Variants in S100B observed in about 807,000 individuals in gnomAD.
S100B encodes the protein protein S100-B.
Under a neutral mutation model 7.7 loss-of-function variants are expected in S100B, and 6 were observed. The observed-to-expected ratio is 0.78, with a 90% CI of 0.43 to 1.54. The LOEUF is 1.54. Among genes scored for constraint, S100B ranks in the 40% most tolerant of loss-of-function variants. The pLI is 0.01. For missense variants in S100B, 99 were observed against 111.8 expected (o/e 0.89, Z 0.52); for synonymous variants, 36 against 40.4 (o/e 0.89, Z 0.41).
intron 2 of S100B, among the ~76,000 whole-genome samples, chr21:46,602,077 A>C (rs1052645937): frequency 6.6e-5 from 10 of 152,184 alleles, no homozygotes; most frequent in Non-Finnish European, 1.5e-4. Flanking sequence ...AAGATGGTTG[A>C]TAAGGAAATG....
rs1601892917 is a variant in S100B at position 46,599,750 on chromosome 21, C to T, written c.139-247G>A. ...AATGGAACAGCCAAGAGGTGAAAAA[C>T]TGAAGGTTGTTATCATACTTAAAAT... is the stretch of plus-strand genomic sequence containing the variant. On this transcript the variant is annotated intron_variant, in intron 2 of 2. Transcript: ENST00000291700. Among the ~76,000 whole-genome samples, 6 of 150,942 alleles carry T rather than the reference C, an allele frequency of 4.0e-5. No individual in the cohort carries two copies. In the South Asian group the frequency reaches 1.1e-3, roughly 27 times the overall value.
rs1730453175 is a variant in S100B, at chr21:46,599,037, T to A, written c.*326A>T. 3.6e-6 allele frequency: 1 copy of A among 278,796 alleles called. No homozygotes were observed. The highest frequency in any genetic ancestry group is 9.2e-5 in the South Asian group (1 of 10,822). 17.3% of individuals were successfully genotyped at this position (278,796 alleles called of 1,614,324 possible). ...CCGGGGTAATTTCTGTAGTCAGGGTTCCCTCCGGGTTAGGGTCTACACGGC... is the reference window on the plus strand; with the variant it reads ...CCGGGGTAATTTCTGTAGTCAGGGTACCCTCCGGGTTAGGGTCTACACGGC... On this transcript the variant is annotated 3_prime_UTR_variant, in exon 3 of 3. Coordinates refer to ENST00000291700, the MANE Select transcript of S100B (RefSeq NM_006272.3).
chr21:46,603,656 T>G (rs941408934), intron 1 of S100B, among the ~76,000 whole-genome samples: 1 of 152,206 alleles, frequency 6.6e-6, no homozygotes, highest in Non-Finnish European at 1.5e-5. Flanking sequence ...AACAAATTAA[T>G]AAATCAAATA....
In S100B at chr21:46,598,654, G is replaced by GC. The variant is rs1392458359; in HGVS notation, c.*708dup. 6.6e-6 allele frequency among the ~76,000 whole-genome samples: 1 copy of GC among 152,210 alleles called. No homozygotes were observed. Among genetic ancestry groups the GC allele is most frequent in the African/African-American group, 2.4e-5 (1 of 41,456 alleles). On this transcript the variant is annotated 3_prime_UTR_variant, in exon 3 of 3. Coordinates refer to ENST00000291700, the MANE Select transcript of S100B (RefSeq NM_006272.3). Reference sequence around the variant, plus strand: ...ACGCAGGCCCTCGCGGTGGCTCAGAGCCCCCGGTAGTGCCCTCGGAAGCCG... The same window carrying GC: ...ACGCAGGCCCTCGCGGTGGCTCAGAGCCCCCCGGTAGTGCCCTCGGAAGCCG...
rs1244489186 is a variant in S100B, at chr21:46,599,505, T to C, written c.139-2A>G. 2 of 1,613,934 alleles carry C rather than the reference T, an allele frequency of 1.2e-6. No homozygotes were observed. The highest frequency in any genetic ancestry group is 1.7e-5 in the Admixed American group (1 of 60,016). The stretch of plus-strand genomic sequence containing the variant: ...CACAACCTCCTGCTCTTTGATTTCC[T>C]AAGAGAGATAAAAGGAGTTGCCGAC... On this transcript the variant is annotated splice_acceptor_variant, in intron 2 of 2. Transcript: ENST00000291700. LOFTEE classifies it high-confidence loss of function.
chr21:46,602,512 A>T (rs1316480689), intron 1 of S100B, 96 bp from the exon 2 acceptor site: 17 of 1,281,364 alleles, frequency 1.3e-5, no homozygotes, highest in Non-Finnish European at 1.7e-5. Context: ...GACAAGGGGG[A>T]TGGAATGGCC....
chr21:46,599,527 C>T (rs2061035869), intron 2 of S100B, 24 bp from the exon 3 acceptor site: 4 of 1,612,070 alleles, frequency 2.5e-6, no homozygotes, highest in Admixed American at 1.7e-5. Flanking sequence ...AAGGAGTTGC[C>T]GACCTTGTTT....
intron 1 of S100B, among the ~76,000 whole-genome samples, chr21:46,603,398 T>TGGGGGGAGG: frequency 1.9e-5 from 1 of 52,068 alleles, no homozygotes; most frequent in Non-Finnish European, 3.8e-5. Context: ...CGGGAGGGGG[T>TGGGGGGAGG]GGGGGCAGGA....
At position 46,599,279 on chromosome 21, in the gene S100B, GCTC is replaced by G; in HGVS notation, c.*81_*83del. ...AGCTACAACACGGCTGGAAAGCTCA[GCTC>G]CTACTAGGCTGCAAGCCCTTGCTGT... On this transcript the variant is annotated 3_prime_UTR_variant, in exon 3 of 3. Coordinates refer to ENST00000291700, the MANE Select transcript of S100B (RefSeq NM_006272.3). The G allele has an allele frequency of 7.9e-7, 1 of 1,262,630 alleles. No individual in the cohort carries two copies. The highest frequency in any genetic ancestry group is 2.3e-5 in the East Asian group (1 of 42,918). The allele number at this position is 1,262,630 out of a possible 1,614,324, so 78.2% of individuals were successfully genotyped here.
intron 1 of S100B, among the ~76,000 whole-genome samples, chr21:46,603,388 C>CAGGAGGGGGTGGG (rs2061047166): frequency 7.8e-4 from 1 of 1,280 alleles, no homozygotes. Flanking sequence ...ACTGGGACGG[C>CAGGAGGGGGTGGG]GGGAGGGGGT....
At chr21:46,604,082 G>C (rs1462661348) in intron 1 of S100B, among the ~76,000 whole-genome samples, 1 of 152,092 alleles carries the variant, frequency 6.6e-6, no homozygotes, top group South Asian at 2.1e-4. Flanking sequence ...TGACTAATGG[G>C]ATTATTACAA....
At chr21:46,599,644 G>A in intron 2 of S100B, 141 bp from the exon 3 acceptor site, 4 of 797,770 alleles carry the variant, frequency 5.0e-6, no homozygotes, top group South Asian at 4.4e-5. Flanking sequence ...CAGAAAAGAT[G>A]TCTCATGTGA....
intron 2 of S100B, 103 bp downstream of exon 2, chr21:46,602,175 G>A (rs1005109170): frequency 1.2e-4 from 129 of 1,110,434 alleles, no homozygotes; most frequent in Non-Finnish European, 1.6e-4. Flanking sequence ...GTCTTGGAAG[G>A]GAAATGAAAT....
chr21:46,599,865 T>C (rs981602072), intron 2 of S100B, among the ~76,000 whole-genome samples: 4 of 152,194 alleles, frequency 2.6e-5, no homozygotes, highest in Non-Finnish European at 4.4e-5. Context: ...TTTTCGTGTG[T>C]TCTGTGTGTG....
At position 46,598,953 on chromosome 21, in the gene S100B, T is replaced by C. The variant is rs2061033714; in HGVS notation, c.*410A>G. 1 of 178,078 alleles carries C rather than the reference T, an allele frequency of 5.6e-6. No homozygotes were observed. The highest frequency in any genetic ancestry group is 1.2e-5 in the Non-Finnish European group (1 of 86,222). 11.0% of individuals were successfully genotyped at this position (178,078 alleles called of 1,614,324 possible). On this transcript the variant is annotated 3_prime_UTR_variant, in exon 3 of 3. Transcript: ENST00000291700. ...AACGCATTTAAAGAACAGCAGTGTT[T>C]TCAAATAATGCTGGATAAGGCTTTG...
rs549838133 is a variant in S100B, at chr21:46,598,748, C to G, written c.*615G>C. On this transcript the variant is annotated 3_prime_UTR_variant, in exon 3 of 3. Coordinates refer to ENST00000291700, the MANE Select transcript of S100B (RefSeq NM_006272.3). The stretch of plus-strand genomic sequence containing the variant: ...ACTTGAATCGCATGGGTCACGGAGG[C>G]CACGCTGGAGCCCCCAGAGCTGGCT... 1.3e-5 allele frequency among the ~76,000 whole-genome samples: 2 copies of G among 152,350 alleles called. No homozygotes were observed. Among genetic ancestry groups the G allele is most frequent in the Admixed American group, 6.5e-5 (1 of 15,308 alleles).
chr21:46,603,911 T>G (rs1244281575), intron 1 of S100B, among the ~76,000 whole-genome samples: 1 of 152,202 alleles, frequency 6.6e-6, no homozygotes, highest in Non-Finnish European at 1.5e-5. Context: ...ATTTCATGCT[T>G]TCTTATTCTT....
intron 2 of S100B, 21 bp downstream of exon 2, chr21:46,602,257 A>G: frequency 1.2e-6 from 2 of 1,605,548 alleles, no homozygotes; most frequent in Non-Finnish European, 1.7e-6. Flanking sequence ...GAAAGTGTCA[A>G]GTTTAAAAAG....
chr21:46,603,392 A>AGGGGGACGGCGGGAGGGGGGGGCGGGGGG lies in S100B; in HGVS notation c.-1-977_-1-976insCCCCCCGCCCCCCCCTCCCGCCGTCCCCC, dbSNP rs1555923741. Among the ~76,000 whole-genome samples the AGGGGGACGGCGGGAGGGGGGGGCGGGGGG allele has an allele frequency of 3.6e-3, 137 of 38,236 alleles. 4 individuals carry two copies. The highest frequency in any genetic ancestry group is 5.2e-3 in the African/African-American group (51 of 9,788). The allele number at this position is 38,236 out of a possible 152,430, so 25.1% of individuals were successfully genotyped here. A position where few individuals can be genotyped will look rare whatever the true frequency, so the allele number is the denominator to read the frequency against. On this transcript the variant is annotated intron_variant, in intron 1 of 2. Coordinates refer to ENST00000291700, the MANE Select transcript of S100B (RefSeq NM_006272.3). ...TCACTGCAGTGACTGGGACGGCGGG[A>AGGGGGACGGCGGGAGGGGGGGGCGGGGGG]GGGGGTGGGGGCAGGAATAGGTGTT... is the stretch of plus-strand genomic sequence containing the variant.
Sources: allele counts gnomAD v4.1 joint callset (sites outside exome capture counted in the v4.1 genomes callset), GRCh38; gene constraint gnomAD v4.1.1; transcripts MANE v1.5; gene names NCBI Gene and HGNC (gene_info 2026-07-23, HGNC 2026-07-21).